Variants in FAM234A observed in about 807,000 individuals in gnomAD.
The protein encoded by FAM234A is family with sequence similarity 234 member A.
A neutral mutation model predicts 49.1 loss-of-function variants in FAM234A; 42 were observed. The observed-to-expected ratio is 0.86, with a 90% CI of 0.67 to 1.11. The LOEUF is 1.11. Among genes scored for constraint, FAM234A ranks in the 50% least tolerant of loss-of-function variants. The pLI, the probability that FAM234A is intolerant of heterozygous loss-of-function variation, is 0.00. For synonymous variants in FAM234A, 369 were observed against 316.2 expected (o/e 1.17, Z -1.77); for missense variants, 815 against 745.2 (o/e 1.09, Z -1.09).
At chr16:263,974 T>C (rs372545837) in intron 10 of FAM234A, 42 bp from the exon 11 acceptor site, 47 of 1,587,088 alleles carry the variant, frequency 3.0e-5, no homozygotes, top group Non-Finnish European at 3.9e-5. Flanking sequence ...CTTTTCCCGG[T>C]AGCCCCCACG....
At chr16:262,027 G>A in intron 6 of FAM234A, 66 bp from the exon 7 acceptor site, 2 of 1,334,384 alleles carry the variant, frequency 1.5e-6, no homozygotes, top group Middle Eastern at 2.3e-4. Flanking sequence ...TCTCTTCCTG[G>A]GCCTTGTGTC....
In FAM234A at chr16:264,059, T is replaced by A; in HGVS notation, c.1232T>A (p.Leu411Gln). The A allele has an allele frequency of 6.2e-7, 1 of 1,613,148 alleles. No homozygotes were observed. The highest frequency in any genetic ancestry group is 2.2e-5 in the East Asian group (1 of 44,878). The change falls in exon 11 of 13, where the codon CTA (leucine) becomes CAA (glutamine). Residue 411 changes from leucine to glutamine, a missense_variant. Physicochemically the swap from Leu to Gln is moderately radical, Grantham distance 113. Coordinates refer to ENST00000399932, the MANE Select transcript of FAM234A (RefSeq NM_032039.4). ...GGCACTGGAGCCGTCCTGTGTAGCC[T>A]AGCCCTCCCGAGCCTCCCTGGGGGT... ...DLGTGAVLCS[L>Q]ALPSLPGGPL...
At chr16:251,694 T>TTTG (rs2051018484) in intron 2 of FAM234A, among the ~76,000 whole-genome samples, 2 of 146,426 alleles carry the variant, frequency 1.4e-5, no homozygotes, top group African/African-American at 5.1e-5. Context: ...TTTTTTTTTT[T>TTTG]TTTTTTTTTT....
intron 8 of FAM234A, among the ~76,000 whole-genome samples, 164 bp from the exon 9 acceptor site, chr16:263,098 A>G (rs1210275087): frequency 6.6e-6 from 1 of 152,120 alleles, no homozygotes; most frequent in South Asian, 2.1e-4. Context: ...AATTACAGGC[A>G]TGAGCCACCG....
intron 1 of FAM234A, among the ~76,000 whole-genome samples, chr16:238,774 A>AG (rs2050500007): frequency 7.1e-6 from 1 of 141,124 alleles, no homozygotes; most frequent in Non-Finnish European, 1.5e-5. Flanking sequence ...TCAAAAAAAA[A>AG]AAAAAAAAAA....
intron 8 of FAM234A, among the ~76,000 whole-genome samples, 193 bp from the exon 9 acceptor site, chr16:263,069 C>T (rs928299442): frequency 1.3e-5 from 2 of 152,108 alleles, no homozygotes; most frequent in Non-Finnish European, 2.9e-5. Flanking sequence ...CCGCCCGCCT[C>T]GGCCTCCCAA....
intron 1 of FAM234A, among the ~76,000 whole-genome samples, chr16:241,713 C>A (rs565018257): frequency 6.6e-6 from 1 of 151,896 alleles, no homozygotes; most frequent in African/African-American, 2.4e-5. Context: ...GTCAGCAGAT[C>A]GAGACCATCC....
Position 260,166 on chromosome 16 carries a change from C to A in FAM234A, c.577+6C>A, listed in dbSNP as rs780966186. ...TGCAGTCAACTTGTTCACAGGTAGG[C>A]CAGCCAGGCAGCGGGGTTCTCACTG... On this transcript the variant is annotated splice_donor_region_variant and intron_variant, in intron 5 of 12. Transcript: ENST00000399932. 3 of 1,612,792 alleles carry A rather than the reference C, an allele frequency of 1.9e-6. No individual in the cohort carries two copies. The African/African-American group carries it at 4.0e-5, about 21-fold the overall frequency.
At chr16:269,164 G>C, downstream of FAM234A, 1 of 971,958 alleles carries the variant, frequency 1.0e-6, no homozygotes, top group Non-Finnish European at 1.6e-6. Flanking sequence ...GGACACTGGT[G>C]CTGGGTTCAG....
At chr16:254,724 T>C (rs1212956161) in intron 3 of FAM234A, 43 bp downstream of exon 3, 2 of 1,598,734 alleles carry the variant, frequency 1.3e-6, no homozygotes, top group Non-Finnish European at 8.5e-7. Context: ...AAAGCAGCTC[T>C]TCCCAGGGGA....
intron 1 of FAM234A, among the ~76,000 whole-genome samples, chr16:239,260 A>AGC (rs1382102064): frequency 7.2e-6 from 1 of 138,638 alleles, no homozygotes; most frequent in Non-Finnish European, 1.5e-5. Context: ...AGATTGCACC[A>AGC]CTACATTCCA....
In FAM234A at chr16:263,326, G is replaced by A; in HGVS notation, c.1036G>A (p.Gly346Ser). ...CGCCGGTGCAGATGTGCTTCTTGTG[G>A]GCTCAGAGGCCTTCGTGCTGCTGGA... ...GNAGADVLLV[G>S]SEAFVLLDGQ... Residue 346 changes from glycine (G) to serine (S), a missense_variant, in exon 9 of 13, where the codon GGC (glycine) becomes AGC (serine). Coordinates refer to ENST00000399932, the MANE Select transcript of FAM234A (RefSeq NM_032039.4). The A allele has an allele frequency of 6.2e-7, 1 of 1,613,224 alleles. No homozygotes were observed. The highest frequency in any genetic ancestry group is 8.5e-7 in the Non-Finnish European group (1 of 1,180,014).
chr16:248,822 T>G (rs2050902604), intron 1 of FAM234A, among the ~76,000 whole-genome samples: 1 of 151,842 alleles, frequency 6.6e-6, no homozygotes, highest in Non-Finnish European at 1.5e-5. Flanking sequence ...AAGTGTCCCC[T>G]GTTGCCCAGG....
At chr16:238,659 C>T (rs200111449) in intron 1 of FAM234A, among the ~76,000 whole-genome samples, 2 of 145,092 alleles carry the variant, frequency 1.4e-5, no homozygotes, top group Non-Finnish European at 3.0e-5. Context: ...CCAGCCACTC[C>T]GGAGGCTGAG....
intron 3 of FAM234A, among the ~76,000 whole-genome samples, chr16:257,564 A>G (rs1207406506): frequency 6.6e-6 from 1 of 151,682 alleles, no homozygotes; most frequent in African/African-American, 2.4e-5. Context: ...TTTTGTATCA[A>G]AGAAACCATC....
chr16:267,743 C>T (rs2051734970), downstream of FAM234A, among the ~76,000 whole-genome samples: 2 of 149,202 alleles, frequency 1.3e-5, no homozygotes, highest in African/African-American at 5.0e-5. Flanking sequence ...TGCCTCAGTG[C>T]TACACATGCC....
Position 263,803 on chromosome 16 carries a change from A to C in FAM234A, c.1188+28A>C, listed in dbSNP as rs182461788. On this transcript the variant is annotated intron_variant, in intron 10 of 12. Coordinates refer to ENST00000399932, the MANE Select transcript of FAM234A (RefSeq NM_032039.4). ...TCGTTGTTCTTCCTTCGGAGGTGGC[A>C]CCTTTGTTCTTAGCTGAGGATAGAC... 4.8e-4 allele frequency: 761 copies of C among 1,579,736 alleles called. 1 individual carries two copies. Among genetic ancestry groups the C allele is most frequent in the Non-Finnish European group, 5.8e-4 (664 of 1,148,906 alleles).
Position 263,273 on chromosome 16 carries a change from T to C in FAM234A, c.983T>C (p.Val328Ala). 1 of 1,612,790 alleles carries C rather than the reference T, an allele frequency of 6.2e-7. No individual in the cohort carries two copies. Among genetic ancestry groups the C allele is most frequent in the Non-Finnish European group, 8.5e-7 (1 of 1,179,984 alleles). ...ACTCTCCTGTCTAGCTCTGGAGCAG[T>C]GCGCTACCTGATGCATGTCCCAGGG... ...RRMLSHSSGA[V>A]RYLMHVPGNA... is the part of the protein sequence containing the mutation. The change falls in exon 9 of 13, where the codon GTG (valine) becomes GCG (alanine). Residue 328 changes from valine (V) to alanine (A), a missense_variant. Val to Ala is a moderately conservative substitution (Grantham distance 64). Coordinates refer to ENST00000399932, the MANE Select transcript of FAM234A (RefSeq NM_032039.4).
intron 1 of FAM234A, among the ~76,000 whole-genome samples, chr16:244,919 C>A (rs544412430): frequency 6.6e-6 from 1 of 151,394 alleles, no homozygotes; most frequent in Non-Finnish European, 1.5e-5. Context: ...CTCAAACTCC[C>A]GACCTCAGGT....
Sources: allele counts gnomAD v4.1 joint callset (sites outside exome capture counted in the v4.1 genomes callset), GRCh38; gene constraint gnomAD v4.1.1; transcripts MANE v1.5; gene names NCBI Gene and HGNC (gene_info 2026-07-23, HGNC 2026-07-21).